DTNB: variants seen among roughly 807,000 people sequenced by gnomAD.
The protein encoded by DTNB is dystrobrevin beta.
A neutral mutation model predicts 90.7 loss-of-function variants in DTNB; 63 were observed. The ratio of observed to expected loss-of-function variants is 0.69; its 90% CI spans 0.57 to 0.86. The LOEUF is 0.86. Among genes scored for constraint, DTNB ranks in the 40% least tolerant of loss-of-function variants. The pLI is 0.00. For missense variants in DTNB, 744 were observed against 807.1 expected (o/e 0.92, Z 0.95); for synonymous variants, 277 against 286.7 (o/e 0.97, Z 0.34).
At chr2:25,462,603 G>A (rs1199080472) in intron 10 of DTNB, among the ~76,000 whole-genome samples, 1 of 152,100 alleles carries the variant, frequency 6.6e-6, no homozygotes, top group Non-Finnish European at 1.5e-5. Context: ...ATAAAATAAT[G>A]TCAAAAAGCA....
intron 16 of DTNB, among the ~76,000 whole-genome samples, chr2:25,396,143 T>C (rs930345819): frequency 1.3e-5 from 2 of 152,180 alleles, no homozygotes; most frequent in African/African-American, 4.8e-5. Flanking sequence ...CTGGAGACCA[T>C]TATTCTAAGT....
chr2:25,565,629 A>G (rs1196787378), intron 8 of DTNB, among the ~76,000 whole-genome samples: 2 of 151,762 alleles, frequency 1.3e-5, no homozygotes, highest in African/African-American at 4.8e-5. Flanking sequence ...TTTTATCGTG[A>G]CAGAATTTTG....
intron 8 of DTNB, among the ~76,000 whole-genome samples, chr2:25,536,712 G>T (rs2079886735): frequency 6.6e-6 from 1 of 152,124 alleles, no homozygotes; most frequent in Non-Finnish European, 1.5e-5. Context: ...GAGGGAGACA[G>T]AGAGCGAGAG....
At chr2:25,555,925 C>T (rs2057268529) in intron 8 of DTNB, among the ~76,000 whole-genome samples, 1 of 152,166 alleles carries the variant, frequency 6.6e-6, no homozygotes, top group South Asian at 2.1e-4. Flanking sequence ...GAGGCTAAGG[C>T]AGGAGAATCA....
At chr2:25,382,914 C>T (rs147882783) in intron 19 of DTNB, among the ~76,000 whole-genome samples, 4 of 152,304 alleles carry the variant, frequency 2.6e-5, no homozygotes, top group African/African-American at 9.6e-5. Context: ...TCGAATCTGT[C>T]TCACAGTGTT....
At chr2:25,495,692 C>T (rs544803907) in intron 9 of DTNB, among the ~76,000 whole-genome samples, 1 of 152,162 alleles carries the variant, frequency 6.6e-6, no homozygotes, top group Admixed American at 6.5e-5. Context: ...TGTTACCTCA[C>T]GGGGTTCTAT....
intron 4 of DTNB, among the ~76,000 whole-genome samples, chr2:25,614,720 C>A (rs1485379056): frequency 2.0e-5 from 3 of 152,168 alleles, no homozygotes; most frequent in African/African-American, 4.8e-5. Flanking sequence ...TGCTCAGAAT[C>A]CCGTTGCGAT....
At chr2:25,457,814 C>A (rs1574717047) in intron 10 of DTNB, among the ~76,000 whole-genome samples, 1 of 152,100 alleles carries the variant, frequency 6.6e-6, no homozygotes, top group Non-Finnish European at 1.5e-5. Flanking sequence ...GAAAGCGTAG[C>A]ATTCCTGTGC....
chr2:25,611,854 A>G (rs903297142), intron 4 of DTNB, among the ~76,000 whole-genome samples: 2 of 152,142 alleles, frequency 1.3e-5, no homozygotes, highest in African/African-American at 4.8e-5. Context: ...ATGTTGGTCT[A>G]ATACTTAATA....
chr2:25,551,684 A>C (rs2083687749), intron 8 of DTNB, among the ~76,000 whole-genome samples: 1 of 152,216 alleles, frequency 6.6e-6, no homozygotes, highest in South Asian at 2.1e-4. Flanking sequence ...AATCTAACTT[A>C]ATGTCTTACC....
chr2:25,567,148 T>C (rs1206410879), intron 8 of DTNB, among the ~76,000 whole-genome samples: 1 of 152,220 alleles, frequency 6.6e-6, no homozygotes, highest in Non-Finnish European at 1.5e-5. Flanking sequence ...GGGGATATTG[T>C]CTTATAAGTT....
At chr2:25,388,461 G>C in intron 16 of DTNB, 100 bp from the exon 17 acceptor site, 2 of 1,424,896 alleles carry the variant, frequency 1.4e-6, no homozygotes, top group Non-Finnish European at 1.9e-6. Flanking sequence ...CAGCCAGTGG[G>C]CCTCAGTTCA....
intron 10 of DTNB, among the ~76,000 whole-genome samples, chr2:25,463,874 G>A (rs1351327685): frequency 2.0e-5 from 3 of 152,148 alleles, no homozygotes; most frequent in Non-Finnish European, 1.5e-5. Context: ...AATAATTACA[G>A]GCATGTGCAT....
intron 2 of DTNB, among the ~76,000 whole-genome samples, chr2:25,646,251 G>A (rs199535466): frequency 6.6e-5 from 10 of 152,020 alleles, no homozygotes; most frequent in Admixed American, 2.6e-4. Context: ...CGAGGTGGGC[G>A]GATCACCTGA....
rs1037411479 is a variant in DTNB at position 25,519,199 on chromosome 2, C to CA, written c.1001+12273dup. 5.3e-5 allele frequency among the ~76,000 whole-genome samples: 8 copies of CA among 151,644 alleles called. No individual in the cohort carries two copies. In the South Asian group the frequency reaches 1.7e-3, roughly 32 times the overall value. ...GCAACATAGCAAGACCCCATCACTT[C>CA]AAAAAAATATAAAAATTAGCCAGGC... On this transcript the variant is annotated intron_variant, in intron 9 of 20. Transcript: ENST00000406818.
At chr2:25,654,298 G>C (rs1411475503) in intron 1 of DTNB, among the ~76,000 whole-genome samples, 1 of 152,104 alleles carries the variant, frequency 6.6e-6, no homozygotes, top group East Asian at 1.9e-4. Context: ...TCTCAACCAG[G>C]GACAATTTTG....
chr2:25,640,483 C>A (rs1043471874), intron 2 of DTNB, among the ~76,000 whole-genome samples: 2 of 152,172 alleles, frequency 1.3e-5, no homozygotes, highest in Admixed American at 6.5e-5. Flanking sequence ...TGACTTCAAT[C>A]AACCTTCCTC....
At chr2:25,542,487 T>G (rs1250884337) in intron 8 of DTNB, among the ~76,000 whole-genome samples, 1 of 152,230 alleles carries the variant, frequency 6.6e-6, no homozygotes, top group Admixed American at 6.5e-5. Context: ...TTCCTTTTCT[T>G]GCTGATTTTT....
intron 16 of DTNB, among the ~76,000 whole-genome samples, chr2:25,391,689 T>C (rs1225846078): frequency 6.6e-6 from 1 of 152,118 alleles, no homozygotes; most frequent in Non-Finnish European, 1.5e-5. Flanking sequence ...CAAGTCTCAG[T>C]AAATTTAAGA....
Sources: allele counts gnomAD v4.1 joint callset (sites outside exome capture counted in the v4.1 genomes callset), GRCh38; gene constraint gnomAD v4.1.1; transcripts MANE v1.5; gene names NCBI Gene and HGNC (gene_info 2026-07-23, HGNC 2026-07-21).